Variants in AGBL1 observed in about 807,000 individuals in gnomAD.
The protein encoded by AGBL1 is AGBL carboxypeptidase 1, also known as cytosolic carboxypeptidase 4.
AGBL1 carries 130 observed loss-of-function variants against 118.9 expected under a neutral mutation model. The observed-to-expected ratio is 1.09, with a 90% CI of 0.95 to 1.26. The LOEUF is 1.26. Ranked by LOEUF, AGBL1 falls within the 50% of genes most tolerant of loss-of-function variation. The pLI is 0.00. For synonymous variants in AGBL1, 555 were observed against 478.9 expected, an observed-to-expected ratio of 1.16 and a Z score of -2.08; for missense variants, 1,584 against 1,298.1, an observed-to-expected ratio of 1.22 and a Z score of -3.38.
intron 5 of AGBL1, among the ~76,000 whole-genome samples, chr15:86,179,415 A>T (rs370046966): frequency 1.3e-5 from 2 of 152,230 alleles, no homozygotes; most frequent in African/African-American, 4.8e-5. Context: ...CACGTGTAGA[A>T]ATCATTATAT....
intron 22 of AGBL1, among the ~76,000 whole-genome samples, chr15:86,732,475 A>G (rs571300608): frequency 1.3e-5 from 2 of 152,118 alleles, no homozygotes; most frequent in South Asian, 4.1e-4. Context: ...GAGCTCCCTA[A>G]TATTCTTTCT....
chr15:86,212,221 G>T (rs1332995400), intron 5 of AGBL1, among the ~76,000 whole-genome samples: 7 of 152,284 alleles, frequency 4.6e-5, no homozygotes, highest in African/African-American at 1.4e-4. Flanking sequence ...AGATTTTAAA[G>T]ATTATATTTG....
intron 21 of AGBL1, among the ~76,000 whole-genome samples, chr15:86,628,560 G>T (rs2142429544): frequency 6.6e-6 from 1 of 152,268 alleles, no homozygotes; most frequent in South Asian, 2.1e-4. Context: ...CCTTTGGGAG[G>T]CCGAGGTGGG....
chr15:86,111,802 G>A (rs1462242616), intron 1 of AGBL1, among the ~76,000 whole-genome samples: 3 of 152,188 alleles, frequency 2.0e-5, no homozygotes, highest in Non-Finnish European at 4.4e-5. Flanking sequence ...TAGGAACCAG[G>A]CCACACAGCA....
At chr15:86,443,643 C>G (rs1338971589) in intron 18 of AGBL1, among the ~76,000 whole-genome samples, 1 of 152,146 alleles carries the variant, frequency 6.6e-6, no homozygotes, top group Non-Finnish European at 1.5e-5. Context: ...TGCTATTCTA[C>G]TCTCTCTTTC....
chr15:86,451,593 G>A (rs975612206), intron 18 of AGBL1, among the ~76,000 whole-genome samples: 1 of 152,154 alleles, frequency 6.6e-6, no homozygotes, highest in African/African-American at 2.4e-5. Flanking sequence ...ATGGGATAGA[G>A]GTAATTCCTC....
chr15:87,021,267 T>A (rs2081661728), intron 24 of AGBL1, among the ~76,000 whole-genome samples: 1 of 152,036 alleles, frequency 6.6e-6, no homozygotes, highest in Non-Finnish European at 1.5e-5. Context: ...TAATAAATGG[T>A]GGTGGAAGAA....
intron 22 of AGBL1, among the ~76,000 whole-genome samples, chr15:86,736,807 C>CATATG (rs1351577782): frequency 3.9e-5 from 6 of 152,090 alleles, no homozygotes; most frequent in Non-Finnish European, 7.4e-5. Flanking sequence ...TATGAGGGTA[C>CATATG]CCTTTGAACA....
intron 8 of AGBL1, 142 bp downstream of exon 8, chr15:86,257,160 A>C: frequency 1.0e-6 from 1 of 986,740 alleles, no homozygotes; most frequent in South Asian, 1.9e-5. Flanking sequence ...ACATATATGA[A>C]AAAGCAGTTT....
chr15:86,648,049 A>T (rs1048119783), intron 21 of AGBL1, among the ~76,000 whole-genome samples: 1 of 152,148 alleles, frequency 6.6e-6, no homozygotes, highest in African/African-American at 2.4e-5. Context: ...ATAGTCAGAG[A>T]CTTGCTCAAG....
At chr15:86,738,560 C>T (rs1391433571) in intron 22 of AGBL1, among the ~76,000 whole-genome samples, 2 of 152,078 alleles carry the variant, frequency 1.3e-5, no homozygotes, top group Non-Finnish European at 2.9e-5. Flanking sequence ...TACAAAGGTC[C>T]CATTTTTAAC....
chr15:86,235,611 C>T (rs2078527718), intron 6 of AGBL1, among the ~76,000 whole-genome samples: 1 of 152,182 alleles, frequency 6.6e-6, no homozygotes, highest in Admixed American at 6.5e-5. Flanking sequence ...TATTTATTTA[C>T]ATCAAGATGT....
At chr15:86,339,902 G>T (rs1196557996) in intron 17 of AGBL1, among the ~76,000 whole-genome samples, 3 of 151,796 alleles carry the variant, frequency 2.0e-5, no homozygotes, top group Non-Finnish European at 2.9e-5. Flanking sequence ...GGAGGCAGAG[G>T]TTGCAGTGAG....
At chr15:86,174,966 T>A (rs2077463326) in intron 5 of AGBL1, among the ~76,000 whole-genome samples, 1 of 152,100 alleles carries the variant, frequency 6.6e-6, no homozygotes, top group Non-Finnish European at 1.5e-5. Context: ...TATAGGTTTC[T>A]TTTTTTGTTG....
chr15:86,646,818 G>C (rs929556508), intron 21 of AGBL1, among the ~76,000 whole-genome samples: 2 of 152,090 alleles, frequency 1.3e-5, no homozygotes, highest in Admixed American at 6.5e-5. Flanking sequence ...GTGTTTGATA[G>C]GTGGTGAGTA....
intron 22 of AGBL1, among the ~76,000 whole-genome samples, chr15:86,881,352 G>A (rs2079889328): frequency 6.6e-6 from 1 of 152,126 alleles, no homozygotes; most frequent in African/African-American, 2.4e-5. Context: ...TCCTCCTGGT[G>A]ATTCTCACGT....
chr15:86,826,544 A>G (rs1321035275), intron 22 of AGBL1, among the ~76,000 whole-genome samples: 1 of 152,128 alleles, frequency 6.6e-6, no homozygotes, highest in Non-Finnish European at 1.5e-5. Context: ...AAATTTCCAG[A>G]AGGGCTTGTT....
At chr15:86,415,029 G>A (rs1242684873) in intron 18 of AGBL1, among the ~76,000 whole-genome samples, 1 of 152,150 alleles carries the variant, frequency 6.6e-6, no homozygotes, top group Non-Finnish European at 1.5e-5. Flanking sequence ...AGGGAAGCTG[G>A]ATTGGGCATA....
intron 6 of AGBL1, among the ~76,000 whole-genome samples, chr15:86,242,966 G>A (rs981650528): frequency 5.3e-5 from 8 of 152,144 alleles, no homozygotes; most frequent in African/African-American, 1.9e-4. Flanking sequence ...AGATGGTTGG[G>A]ATCTCCAGTG....
Sources: allele counts gnomAD v4.1 joint callset (sites outside exome capture counted in the v4.1 genomes callset), GRCh38; gene constraint gnomAD v4.1.1; transcripts MANE v1.5; gene names NCBI Gene and HGNC (gene_info 2026-07-23, HGNC 2026-07-21).